ABCB5: variants seen among roughly 807,000 people sequenced by gnomAD.
ABCB5 encodes the protein ATP-binding cassette sub-family B member 5.
ABCB5 carries 155 observed loss-of-function variants against 144.2 expected under a neutral mutation model. The ratio of observed to expected loss-of-function variants is 1.08; its 90% confidence interval spans 0.94 to 1.23. The LOEUF (loss-of-function observed/expected upper bound fraction) is 1.23. Ranked by LOEUF, ABCB5 falls within the 50% of genes most tolerant of loss-of-function variation. The probability of loss-of-function intolerance (pLI) is 0.00; values close to 1 mark genes in which losing one functional copy is unlikely to be tolerated. For missense variants in ABCB5, 1,830 were observed against 1,520.8 expected (o/e 1.20, Z -3.38); for synonymous variants, 610 against 528.6 (o/e 1.15, Z -2.11).
Position 20,643,390 on chromosome 7 carries a change from T to C in ABCB5, c.506+15T>C, listed in dbSNP as rs753950706. 7 of 1,613,564 alleles carry C rather than the reference T, an allele frequency of 4.3e-6. No individual in the cohort carries two copies. The South Asian group carries it at 5.5e-5, about 13-fold the overall frequency. On this transcript the variant is annotated intron_variant, in intron 6 of 27. Coordinates refer to ENST00000404938, the MANE Select transcript of ABCB5 (RefSeq NM_001163941.2). ...CGCATGACAGAGTAAGAGGATGATA[T>C]TGTAGTACGTTAGCTTTGTTTTCAT...
chr7:20,643,729 C>A, intron 7 of ABCB5, 97 bp downstream of exon 7: 1 of 1,344,388 alleles, frequency 7.4e-7, no homozygotes, highest in Non-Finnish European at 1.0e-6. Flanking sequence ...ATTCACTTGC[C>A]ATGTCCCAAA....
chr7:20,647,601 G>T lies in ABCB5; in HGVS notation c.1048G>T (p.Ala350Ser), dbSNP rs183727655. 1.3e-6 allele frequency: 2 copies of T among 1,587,594 alleles called. No individual in the cohort carries two copies. The highest frequency in any genetic ancestry group is 1.2e-5 in the South Asian group (1 of 86,902). The change falls in exon 10 of 28, where the codon GCA (alanine) becomes TCA (serine). Residue 350 changes from alanine to serine, a missense_variant. Physicochemically the swap from Ala to Ser is moderately conservative, Grantham distance 99. Coordinates refer to ENST00000404938, the MANE Select transcript of ABCB5 (RefSeq NM_001163941.2). ...AGCAGTCCCTCACTTTGAAACCTTC[G>T]CAATAGCCCGAGGAGCTGCCTTTCA... ...GAAVPHFETF[A>S]IARGAAFHIF...
chr7:20,743,501 G>A (rs570950658), intron 25 of ABCB5, among the ~76,000 whole-genome samples: 4 of 152,036 alleles, frequency 2.6e-5, no homozygotes, highest in Non-Finnish European at 5.9e-5. Context: ...CTTTATGCAC[G>A]GTTAAGGCTT....
At chr7:20,633,295 A>T (rs937110486) in intron 5 of ABCB5, among the ~76,000 whole-genome samples, 2 of 152,082 alleles carry the variant, frequency 1.3e-5, no homozygotes, top group South Asian at 2.1e-4. Flanking sequence ...TCCTAGGTAG[A>T]CACTACCTTT....
intron 20 of ABCB5, among the ~76,000 whole-genome samples, chr7:20,719,494 C>T (rs867016064): frequency 6.6e-6 from 1 of 152,120 alleles, no homozygotes; most frequent in African/African-American, 2.4e-5. Flanking sequence ...AAATCGTATC[C>T]AAAGTATACA....
intron 14 of ABCB5, among the ~76,000 whole-genome samples, chr7:20,681,002 CTTTCTTTCTTTCTT>C (rs745676054): frequency 0.37 from 16,149 of 43,758 alleles, 2,210 homozygotes; most frequent in Middle Eastern, 0.45. Context: ...TTCTTTCTTT[CTTTCTTTCTTTCTT>C]TCTTTCTTTC....
At chr7:20,639,127 G>T (rs1299260104) in intron 5 of ABCB5, among the ~76,000 whole-genome samples, 2 of 151,892 alleles carry the variant, frequency 1.3e-5, no homozygotes, top group African/African-American at 2.4e-5. Context: ...AGCATTTAAT[G>T]TACTTTTTAT....
intron 26 of ABCB5, among the ~76,000 whole-genome samples, chr7:20,747,414 T>A (rs961465105): frequency 2.0e-5 from 3 of 152,176 alleles, no homozygotes; most frequent in African/African-American, 7.2e-5. Context: ...CATGCCACCA[T>A]GCCTGGCTAA....
chr7:20,730,724 C>T (rs953282803), intron 23 of ABCB5, among the ~76,000 whole-genome samples: 9 of 152,094 alleles, frequency 5.9e-5, no homozygotes, highest in Non-Finnish European at 8.8e-5. Flanking sequence ...CACCAGCCCC[C>T]GTGAGCCAGT....
rs116102182 is a variant in ABCB5, at chr7:20,730,057, C to G, written c.2867+1602C>G. On this transcript the variant is annotated intron_variant, in intron 23 of 27. Transcript: ENST00000404938. ...TTATTTATTAAGCATTAAGTGAAGT[C>G]CCAGGAAGTTTCTTTGTTAGGCACT... Among the ~76,000 whole-genome samples, 348 of 152,284 alleles carry G rather than the reference C, an allele frequency of 2.3e-3. 1 individual carries two copies. Among genetic ancestry groups the G allele is most frequent in the African/African-American group, 8.1e-3 (338 of 41,540 alleles).
chr7:20,646,604 T>C (rs1422842087), intron 9 of ABCB5, among the ~76,000 whole-genome samples: 2 of 152,254 alleles, frequency 1.3e-5, no homozygotes, highest in Non-Finnish European at 2.9e-5. Flanking sequence ...AGACTACATA[T>C]AGCTCTGTCC....
Position 20,700,149 on chromosome 7 carries a change from TG to T in ABCB5, c.2337+15del, listed in dbSNP as rs753553269. ...ATGTTATATCAGGTCAGTGATAAGT[TG>T]ATTTTTTTTTTATTTTATTTAAAAT... On this transcript the variant is annotated intron_variant, in intron 19 of 27. Coordinates refer to ENST00000404938, the MANE Select transcript of ABCB5 (RefSeq NM_001163941.2). The T allele has an allele frequency of 6.8e-7, 1 of 1,463,066 alleles. No homozygotes were observed. Among genetic ancestry groups the T allele is most frequent in the South Asian group, 1.3e-5 (1 of 79,558 alleles). The allele number at this position is 1,463,066 out of a possible 1,614,324, so 90.6% of individuals were successfully genotyped here. A position where few individuals can be genotyped will look rare whatever the true frequency, so the allele number is the denominator to read the frequency against.
chr7:20,695,917 C>T (rs1057132832), intron 16 of ABCB5, among the ~76,000 whole-genome samples: 1 of 151,744 alleles, frequency 6.6e-6, no homozygotes, highest in Non-Finnish European at 1.5e-5. Flanking sequence ...ACTGACAGTA[C>T]CAAATATTGG....
chr7:20,689,932 A>G (rs1786156931), intron 16 of ABCB5, among the ~76,000 whole-genome samples: 1 of 152,202 alleles, frequency 6.6e-6, no homozygotes, highest in Non-Finnish European at 1.5e-5. Context: ...GGTCCCAATG[A>G]CTAACGACAG....
At chr7:20,640,506 C>T (rs966827342) in intron 5 of ABCB5, among the ~76,000 whole-genome samples, 2 of 152,144 alleles carry the variant, frequency 1.3e-5, no homozygotes, top group Admixed American at 6.5e-5. Context: ...CACTAAGGAG[C>T]GCTAGCCATC....
At chr7:20,701,225 A>G (rs536621752) in intron 19 of ABCB5, among the ~76,000 whole-genome samples, 8 of 152,338 alleles carry the variant, frequency 5.3e-5, no homozygotes, top group Admixed American at 2.0e-4. Context: ...AAAGTTGTAC[A>G]TTATTATTTT....
rs747014736 is a variant in ABCB5, at chr7:20,685,821, C to G, written c.1995C>G (p.Ser665=). 38 of 1,609,556 alleles carry G rather than the reference C, an allele frequency of 2.4e-5. No individual in the cohort carries two copies. In the South Asian group the frequency reaches 4.1e-4, roughly 17 times the overall value. ...KSDFIDKAEE[S]TQSKEISLPE... is the part of the protein sequence containing the mutation. The stretch of plus-strand genomic sequence containing the variant: ...ACTTCATTGACAAGGCTGAGGAATC[C>G]ACCCAATCTAAAGAGGTAATGGCTC... The change falls in exon 16 of 28, where the codon TCC becomes TCG. Residue 665 remains serine, a synonymous_variant. Transcript: ENST00000404938.
chr7:20,720,678 G>A (rs559842370), intron 20 of ABCB5, among the ~76,000 whole-genome samples: 17 of 152,234 alleles, frequency 1.1e-4, no homozygotes, highest in East Asian at 1.9e-4. Context: ...AGGCGCGGTG[G>A]CTCACGCCTG....
chr7:20,753,498 A>C lies in ABCB5; in HGVS notation c.3568A>C (p.Ser1190Arg). The C allele has an allele frequency of 1.9e-6, 3 of 1,612,302 alleles. No individual in the cohort carries two copies. Among genetic ancestry groups the C allele is most frequent in the Non-Finnish European group, 2.5e-6 (3 of 1,179,366 alleles). Residue 1190 changes from serine (S) to arginine (R), a missense_variant, in exon 27 of 28, where the codon AGT becomes CGT. Coordinates refer to ENST00000404938, the MANE Select transcript of ABCB5 (RefSeq NM_001163941.2). ...DEATSALDND[S>R]EKVVQHALDK... ...GGCCACTTCAGCCCTCGATAATGAC[A>C]GTGAGAAGGTAACATCATTTTCTTT...
Sources: gnomAD v4.1 joint callset for allele counts (sites outside exome capture counted in the v4.1 genomes callset) on GRCh38, gnomAD v4.1.1 for gene constraint, MANE v1.5 for transcripts, NCBI Gene and HGNC (gene_info 2026-07-23, HGNC 2026-07-21) for gene names.